Variants in REEP3 observed in about 807,000 individuals in gnomAD.
REEP3 encodes the protein receptor expression-enhancing protein 3.
In REEP3, 20 loss-of-function variants were observed where a neutral mutation model predicts 41.3. The ratio of observed to expected loss-of-function variants is 0.48; its 90% CI spans 0.34 to 0.70. REEP3 has a LOEUF of 0.70. Ranked by LOEUF, REEP3 falls within the 30% of genes least tolerant of loss-of-function variation. REEP3 has a pLI of 0.01. For missense variants in REEP3, 271 were observed against 308.8 expected (o/e 0.88, Z 0.92); for synonymous variants, 104 against 101.8 (o/e 1.02, Z -0.13).
At chr10:63,593,397 G>T (rs1261410734) in intron 2 of REEP3, among the ~76,000 whole-genome samples, 1 of 152,090 alleles carries the variant, frequency 6.6e-6, no homozygotes, top group Non-Finnish European at 1.5e-5. Flanking sequence ...CCAGAGTCAG[G>T]CAACCTGGAC....
At chr10:63,614,544 C>A (rs549741317) in intron 6 of REEP3, among the ~76,000 whole-genome samples, 2 of 152,306 alleles carry the variant, frequency 1.3e-5, no homozygotes, top group African/African-American at 4.8e-5. Context: ...ATGTTCTCTC[C>A]ATGTGGTCTC....
intron 1 of REEP3, among the ~76,000 whole-genome samples, chr10:63,557,413 A>C (rs1194728960): frequency 6.6e-6 from 1 of 152,200 alleles, no homozygotes. Context: ...TGTATAACTT[A>C]TCTTACTGTT....
intron 6 of REEP3, among the ~76,000 whole-genome samples, 169 bp downstream of exon 6, chr10:63,610,503 A>T (rs1194711369): frequency 6.6e-6 from 1 of 152,102 alleles, no homozygotes; most frequent in Non-Finnish European, 1.5e-5. Flanking sequence ...AGATGCAGCA[A>T]ACCACCATGG....
At chr10:63,609,424 C>T (rs1301756546) in intron 5 of REEP3, among the ~76,000 whole-genome samples, 1 of 131,378 alleles carries the variant, frequency 7.6e-6, no homozygotes, top group Admixed American at 8.4e-5. Flanking sequence ...TGCACTCCAG[C>T]TTGGGCGACA....
chr10:63,549,336 G>A (rs915946730), intron 1 of REEP3, among the ~76,000 whole-genome samples: 2 of 152,192 alleles, frequency 1.3e-5, no homozygotes, highest in African/African-American at 2.4e-5. Flanking sequence ...CGGAGGCCAC[G>A]GCTGGTGGAT....
At chr10:63,554,062 A>G (rs1475361488) in intron 1 of REEP3, among the ~76,000 whole-genome samples, 1 of 151,238 alleles carries the variant, frequency 6.6e-6, no homozygotes, top group Non-Finnish European at 1.5e-5. Context: ...AGATCGCACC[A>G]CTGCCCTCCA....
Position 63,620,890 on chromosome 10 carries a change from C to G in REEP3, c.*21C>G. On this transcript the variant is annotated 3_prime_UTR_variant, in exon 8 of 8. Transcript: ENST00000373758. ...TTTAGTCATCTACACGTCAAATATC[C>G]CAAGACAGATTATGCTAAATACATC... 6.5e-7 allele frequency: 1 copy of G among 1,532,292 alleles called. No homozygotes were observed. Among genetic ancestry groups the G allele is most frequent in the Non-Finnish European group, 9.0e-7 (1 of 1,111,918 alleles). The allele number at this position is 1,532,292 out of a possible 1,614,324, so 94.9% of individuals were successfully genotyped here. A position where few individuals can be genotyped will look rare whatever the true frequency, so the allele number is the denominator to read the frequency against.
intron 2 of REEP3, among the ~76,000 whole-genome samples, chr10:63,568,330 G>T (rs564074437): frequency 1.3e-5 from 2 of 150,534 alleles, no homozygotes; most frequent in Non-Finnish European, 3.0e-5. Context: ...GCACTGGCGC[G>T]ATCTTGGCTC....
At chr10:63,607,120 A>G (rs1956235852) in intron 5 of REEP3, among the ~76,000 whole-genome samples, 1 of 152,342 alleles carries the variant, frequency 6.6e-6, no homozygotes, top group South Asian at 2.1e-4. Context: ...GTTACATTGG[A>G]TACATGTAAT....
chr10:63,583,162 T>G (rs1452484662), intron 2 of REEP3, among the ~76,000 whole-genome samples: 1 of 151,944 alleles, frequency 6.6e-6, no homozygotes, highest in Non-Finnish European at 1.5e-5. Flanking sequence ...CAGCTAATTT[T>G]TTGTATTTTT....
chr10:63,559,473 A>G (rs1955721275), intron 1 of REEP3, among the ~76,000 whole-genome samples: 1 of 152,180 alleles, frequency 6.6e-6, no homozygotes, highest in Admixed American at 6.5e-5. Flanking sequence ...AGTAATATGT[A>G]TAGGTGTTAC....
rs187643732 is a variant in REEP3, at chr10:63,564,559, G to T, written c.33-1779G>T. ...AATCGCTTGAACCTGGGAGACGGAGGCTGCAGTGAGCCGATGTCACACCAC... is the reference window on the plus strand; with the variant it reads ...AATCGCTTGAACCTGGGAGACGGAGTCTGCAGTGAGCCGATGTCACACCAC... On this transcript the variant is annotated intron_variant, in intron 1 of 7. Transcript: ENST00000373758. Among the ~76,000 whole-genome samples, 753 of 152,036 alleles carry T rather than the reference G, an allele frequency of 5.0e-3. 2 individuals are homozygous for T. The highest frequency in any genetic ancestry group is 7.5e-3 in the Non-Finnish European group (510 of 67,980).
chr10:63,563,675 G>T (rs1408553815), intron 1 of REEP3, among the ~76,000 whole-genome samples: 2 of 152,106 alleles, frequency 1.3e-5, no homozygotes, highest in Non-Finnish European at 2.9e-5. Flanking sequence ...GGCTGTGCAT[G>T]GTGACTTCTT....
At position 63,534,131 on chromosome 10, in the gene REEP3, G is replaced by A. The variant is rs1195171522; in HGVS notation, c.32+12554G>A. Among the ~76,000 whole-genome samples, 43 of 152,038 alleles carry A rather than the reference G, an allele frequency of 2.8e-4. 1 individual carries two copies. Among genetic ancestry groups the A allele is most frequent in the East Asian group, 1.9e-4 (1 of 5,200 alleles). On this transcript the variant is annotated intron_variant, in intron 1 of 7. Transcript: ENST00000373758. ...AAAAAACCTGATCTTTCCTTGCTAA[G>A]TAAAAATGAGAAATTTAAATTGGAA...
chr10:63,532,914 A>T (rs935454802), intron 1 of REEP3, among the ~76,000 whole-genome samples: 3 of 152,316 alleles, frequency 2.0e-5, no homozygotes, highest in South Asian at 2.1e-4. Context: ...CATAAAAAAG[A>T]AGAGGAGAAA....
At chr10:63,606,547 G>T (rs1469001412) in intron 5 of REEP3, among the ~76,000 whole-genome samples, 1 of 152,002 alleles carries the variant, frequency 6.6e-6, no homozygotes, top group Admixed American at 6.6e-5. Flanking sequence ...CACTGCACCA[G>T]GTCCTTTTCT....
At chr10:63,571,357 AGGCCTCACCCCTTCT>A (rs1955850487) in intron 2 of REEP3, among the ~76,000 whole-genome samples, 1 of 152,182 alleles carries the variant, frequency 6.6e-6, no homozygotes, top group Non-Finnish European at 1.5e-5. Flanking sequence ...ATGAGTTCAC[AGGCCTCACCCCTTCT>A]GGAGGGTTTA....
Position 63,624,378 on chromosome 10 carries a change from T to A in REEP3, c.*3509T>A, listed in dbSNP as rs1956380152. ...AGATTTAATTATATTAACTCTTTTT[T>A]AAGACATTGACCATGACTTAACATT... On this transcript the variant is annotated 3_prime_UTR_variant, in exon 8 of 8. Coordinates refer to ENST00000373758, the MANE Select transcript of REEP3 (RefSeq NM_001001330.3). The A allele has an allele frequency of 6.6e-6, 1 of 152,150 alleles. No individual in the cohort carries two copies. Among genetic ancestry groups the A allele is most frequent in the Admixed American group, 6.5e-5 (1 of 15,278 alleles). The allele number at this position is 152,150 out of a possible 1,614,324, so 9.4% of individuals were successfully genotyped here.
At chr10:63,584,921 G>A (rs1955990775) in intron 2 of REEP3, among the ~76,000 whole-genome samples, 1 of 151,980 alleles carries the variant, frequency 6.6e-6, no homozygotes, top group Admixed American at 6.6e-5. Flanking sequence ...ATTTTAACAT[G>A]TTATGCTCTG....
Sources: allele counts gnomAD v4.1 joint callset (sites outside exome capture counted in the v4.1 genomes callset), GRCh38; gene constraint gnomAD v4.1.1; transcripts MANE v1.5; gene names NCBI Gene and HGNC (gene_info 2026-07-23, HGNC 2026-07-21).